The following DKK3 variants were observed in gnomAD, a reference collection of about 807,000 sequenced individuals.
The protein encoded by DKK3 is dickkopf Wnt signaling pathway inhibitor 3.
In DKK3, 22 loss-of-function variants were observed where a neutral mutation model predicts 33.2. The ratio of observed to expected loss-of-function variants is 0.66; its 90% confidence interval spans 0.47 to 0.95. The LOEUF (loss-of-function observed/expected upper bound fraction) is 0.95. DKK3 is among the 40% of genes least tolerant of loss of function. The pLI is 0.00. For missense variants in DKK3, 398 were observed against 458.4 expected (o/e 0.87, Z 1.20); for synonymous variants, 194 against 188.8 (o/e 1.03, Z -0.23).
intron 3 of DKK3, among the ~76,000 whole-genome samples, chr11:11,973,765 A>G (rs528956726): frequency 6.6e-6 from 1 of 152,364 alleles, no homozygotes; most frequent in South Asian, 2.1e-4. Flanking sequence ...GAAATAGTGG[A>G]AAATGGCAAA....
chr11:11,996,216 A>T (rs1469036526), intron 3 of DKK3, among the ~76,000 whole-genome samples: 4 of 152,150 alleles, frequency 2.6e-5, no homozygotes, highest in South Asian at 2.1e-4. Flanking sequence ...CAACCGTAAA[A>T]ATCATTAAAT....
rs754087076 is a variant in DKK3 at position 12,002,447 on chromosome 11, C to T, written c.214-10G>A. ...CTTCTTCTGCCTCCATCTATTAAAT[C>T]GATGAATTTAATGAGCAAAATTATT... is the stretch of plus-strand genomic sequence containing the variant. On this transcript the variant is annotated splice_polypyrimidine_tract_variant and intron_variant, in intron 1 of 6. Transcript: ENST00000683431. The T allele has an allele frequency of 7.5e-6, 12 of 1,607,124 alleles. No individual in the cohort carries two copies. The African/African-American group carries it at 9.4e-5, about 13-fold the overall frequency.
At chr11:11,985,986 G>A (rs1253214552) in intron 3 of DKK3, among the ~76,000 whole-genome samples, 3 of 152,150 alleles carry the variant, frequency 2.0e-5, no homozygotes, top group African/African-American at 7.2e-5. Context: ...CAAAAAGGGA[G>A]GACCCTGGAA....
upstream of DKK3, chr11:12,009,175 G>T (rs1848607471): frequency 1.0e-6 from 1 of 981,718 alleles, no homozygotes; most frequent in Non-Finnish European, 1.2e-6. Flanking sequence ...CACCCACCCC[G>T]ACTGGACCGA....
chr11:11,997,148 G>T (rs528968263), intron 3 of DKK3, among the ~76,000 whole-genome samples: 1 of 152,250 alleles, frequency 6.6e-6, no homozygotes, highest in Non-Finnish European at 1.5e-5. Context: ...TGGTCCTCCA[G>T]CAGGTGCAGA....
intron 6 of DKK3, among the ~76,000 whole-genome samples, chr11:11,965,487 T>G (rs973089612): frequency 6.6e-6 from 1 of 152,174 alleles, no homozygotes; most frequent in African/African-American, 2.4e-5. Context: ...TTTTCTCTGC[T>G]TATCTGTCAT....
intron 3 of DKK3, among the ~76,000 whole-genome samples, chr11:11,981,112 T>C (rs1847945882): frequency 6.6e-6 from 1 of 152,236 alleles, no homozygotes; most frequent in African/African-American, 2.4e-5. Flanking sequence ...TTGGCTCTAA[T>C]GACTCACTTC....
At chr11:11,980,683 C>G (rs1214779245) in intron 3 of DKK3, among the ~76,000 whole-genome samples, 1 of 152,112 alleles carries the variant, frequency 6.6e-6, no homozygotes, top group East Asian at 1.9e-4. Context: ...CCTGGGTGCT[C>G]CCCAGTCCTG....
In DKK3 at chr11:11,967,003, A is replaced by C; in HGVS notation, c.624T>G (p.Cys208Trp). The change falls in exon 5 of 7, where the codon TGT becomes TGG. Residue 208 changes from cysteine to tryptophan, a missense_variant. Transcript: ENST00000683431. ...CCGGCTGGCAGTCCCTCTGGTTGTC[A>C]CAGATGGTCCCATTGCTGCCCCTGG... ...MATRGSNGTICDNQRDCQPGL... is the reference protein window; with the variant it reads ...MATRGSNGTIWDNQRDCQPGL... The C allele has an allele frequency of 6.2e-7, 1 of 1,614,070 alleles. No individual in the cohort carries two copies. The highest frequency in any genetic ancestry group is 8.5e-7 in the Non-Finnish European group (1 of 1,180,026).
At chr11:11,972,537 T>C (rs1447468293) in intron 3 of DKK3, among the ~76,000 whole-genome samples, 1 of 152,106 alleles carries the variant, frequency 6.6e-6, no homozygotes, top group Non-Finnish European at 1.5e-5. Context: ...GTAAAGCTGT[T>C]TGTATTGAGT....
chr11:11,963,727 GAGCTT>G lies in DKK3; in HGVS notation c.*732_*736del, dbSNP rs1472524678. ...GGTGTGGGGTAGTGGAGAGAGCACT[GAGCTT>G]AGAGTCACAACCAGATGAAACTGCT... On this transcript the variant is annotated 3_prime_UTR_variant, in exon 7 of 7. Transcript: ENST00000683431. 6.6e-6 allele frequency: 1 copy of G among 152,296 alleles called. No homozygotes were observed. Among genetic ancestry groups the G allele is most frequent in the African/African-American group, 2.4e-5 (1 of 41,440 alleles). The allele number at this position is 152,296 out of a possible 1,614,324, so 9.4% of individuals were successfully genotyped here.
At chr11:11,965,456 G>A (rs1388999745) in intron 6 of DKK3, among the ~76,000 whole-genome samples, 2 of 152,202 alleles carry the variant, frequency 1.3e-5, no homozygotes, top group Non-Finnish European at 1.5e-5. Context: ...TGGCCTCCCC[G>A]TGGCCTCTCT....
intron 3 of DKK3, among the ~76,000 whole-genome samples, chr11:11,981,483 C>T (rs950160962): frequency 5.3e-5 from 8 of 152,190 alleles, no homozygotes; most frequent in Admixed American, 2.6e-4. Flanking sequence ...TTTTATACTG[C>T]TAAGTTTGGG....
At chr11:11,983,015 G>A (rs533358114) in intron 3 of DKK3, among the ~76,000 whole-genome samples, 59 of 152,304 alleles carry the variant, frequency 3.9e-4, no homozygotes, top group Middle Eastern at 6.8e-3. Flanking sequence ...GGGTGGAAGC[G>A]CATGCTTCTG....
In DKK3 at chr11:11,964,592, C is replaced by T; in HGVS notation, c.925G>A (p.Glu309Lys). The change falls in exon 7 of 7, where the codon GAA (glutamate) becomes AAA (lysine). Residue 309 changes from glutamate to lysine, a missense_variant. Glu to Lys is a moderately conservative substitution (Grantham distance 56). Coordinates refer to ENST00000683431, the MANE Select transcript of DKK3 (RefSeq NM_001018057.2). Reference protein sequence around the residue: ...LLPREVPDEYEVGSFMEEVRQ... With the variant: ...LLPREVPDEYKVGSFMEEVRQ... ...ACCTCCTCCATGAAGCTGCCAACTT[C>T]ATACTCATCGGGGACCTCTCTGGGC... 1 of 1,614,220 alleles carries T rather than the reference C, an allele frequency of 6.2e-7. No homozygotes were observed. Among genetic ancestry groups the T allele is most frequent in the Non-Finnish European group, 8.5e-7 (1 of 1,180,038 alleles).
At chr11:11,998,888 T>G in intron 2 of DKK3, 109 bp from the exon 3 acceptor site, 3 of 1,026,410 alleles carry the variant, frequency 2.9e-6, no homozygotes, top group South Asian at 1.4e-5. Context: ...GCATCCAGTA[T>G]AGGAGTCGAA....
At chr11:12,007,611 A>G (rs149729154) in intron 1 of DKK3, among the ~76,000 whole-genome samples, 66 of 152,360 alleles carry the variant, frequency 4.3e-4, no homozygotes, top group Non-Finnish European at 7.3e-4. Context: ...ATCTGATAAT[A>G]GTTGCTAAAT....
At chr11:11,972,794 G>C (rs1847751157) in intron 3 of DKK3, among the ~76,000 whole-genome samples, 1 of 152,212 alleles carries the variant, frequency 6.6e-6, no homozygotes, top group Non-Finnish European at 1.5e-5. Flanking sequence ...AGGTGTTAAA[G>C]GGGCCTCAGC....
At chr11:11,968,104 C>T (rs779987795) in intron 4 of DKK3, among the ~76,000 whole-genome samples, 31 of 151,920 alleles carry the variant, frequency 2.0e-4, no homozygotes, top group Non-Finnish European at 4.1e-4. Context: ...GGTGTAGCCA[C>T]GGTGCCTGGC....
Sources: allele counts gnomAD v4.1 joint callset (sites outside exome capture counted in the v4.1 genomes callset), GRCh38; gene constraint gnomAD v4.1.1; transcripts MANE v1.5; gene names NCBI Gene and HGNC (gene_info 2026-07-23, HGNC 2026-07-21).